FBXL17: variants seen among roughly 807,000 people sequenced by gnomAD.
FBXL17 encodes F-box/LRR-repeat protein 17.
FBXL17 carries 22 observed loss-of-function variants against 66.2 expected under a neutral mutation model. That is an observed-to-expected ratio of 0.33 (90% CI 0.24 to 0.47). The LOEUF (loss-of-function observed/expected upper bound fraction) is 0.47, where lower values mean the gene tolerates loss of function less well. FBXL17 is among the 20% of genes least tolerant of loss of function. The pLI, the probability that FBXL17 is intolerant of heterozygous loss-of-function variation, is 1.00. For synonymous variants in FBXL17, 474 were observed against 400.5 expected (o/e 1.18, Z -2.19); for missense variants, 878 against 948.2 (o/e 0.93, Z 0.97).
chr5:108,160,990 C>T (rs1752189083), intron 6 of FBXL17, among the ~76,000 whole-genome samples: 2 of 152,108 alleles, frequency 1.3e-5, no homozygotes, highest in African/African-American at 4.8e-5. Context: ...AGAAGGTCAA[C>T]TAGTTCCCAA....
intron 6 of FBXL17, among the ~76,000 whole-genome samples, chr5:108,049,249 T>A (rs1747378267): frequency 6.6e-6 from 1 of 151,482 alleles, no homozygotes; most frequent in Admixed American, 6.6e-5. Flanking sequence ...TTCAAGCAAT[T>A]CCCCTGCCTT....
intron 4 of FBXL17, among the ~76,000 whole-genome samples, chr5:108,245,190 G>A (rs1211780652): frequency 6.6e-6 from 1 of 152,032 alleles, no homozygotes; most frequent in Non-Finnish European, 1.5e-5. Flanking sequence ...TGTATAATAT[G>A]CAAAAAGAAA....
chr5:108,114,467 CAAGAA>C (rs1388623231), intron 6 of FBXL17, among the ~76,000 whole-genome samples: 2 of 152,032 alleles, frequency 1.3e-5, no homozygotes, highest in African/African-American at 4.8e-5. Flanking sequence ...ACAAATTAGG[CAAGAA>C]AATAATTTTA....
chr5:107,880,259 G>T (rs899264587), intron 8 of FBXL17: 1 of 547,924 alleles, frequency 1.8e-6, no homozygotes, highest in Non-Finnish European at 2.3e-6. Context: ...GGGAGAGGGG[G>T]ATAGAGACAG....
intron 7 of FBXL17, among the ~76,000 whole-genome samples, chr5:107,978,452 A>G (rs756429309): frequency 3.3e-5 from 5 of 152,012 alleles, no homozygotes; most frequent in African/African-American, 9.7e-5. Context: ...ATATCCAGCC[A>G]TTGTTCCAGA....
intron 3 of FBXL17, among the ~76,000 whole-genome samples, chr5:108,355,431 C>T (rs1431941598): frequency 2.6e-5 from 4 of 151,832 alleles, no homozygotes; most frequent in Non-Finnish European, 4.4e-5. Context: ...TACAGCCGTG[C>T]GCCACCACAC....
At chr5:108,039,975 T>G (rs2112801010) in intron 6 of FBXL17, among the ~76,000 whole-genome samples, 1 of 152,266 alleles carries the variant, frequency 6.6e-6, no homozygotes, top group South Asian at 2.1e-4. Flanking sequence ...TTGAAGCACA[T>G]TACTTTAGAT....
intron 5 of FBXL17, among the ~76,000 whole-genome samples, chr5:108,218,138 T>C (rs1451160489): frequency 6.6e-6 from 1 of 150,698 alleles, no homozygotes; most frequent in African/African-American, 2.4e-5. Flanking sequence ...CCAGAGTAGC[T>C]GGGACTATAG....
intron 4 of FBXL17, among the ~76,000 whole-genome samples, chr5:108,241,763 A>T (rs1041660765): frequency 4.6e-5 from 7 of 150,712 alleles, no homozygotes; most frequent in African/African-American, 1.7e-4. Context: ...CAAGAGAAGA[A>T]AAAACAAAAA....
Position 108,009,308 on chromosome 5 carries a change from T to TATATATATATATACAC in FBXL17, c.1822+11616_1822+11617insGTGTATATATATATAT. ...ATATATATATATATATATACATATA[T>TATATATATATATACAC]ACATACACATATAGTTTTGCTTTTG... On this transcript the variant is annotated intron_variant, in intron 7 of 8. Transcript: ENST00000542267. 3.3e-4 allele frequency among the ~76,000 whole-genome samples: 14 copies of TATATATATATATACAC among 42,208 alleles called. 1 individual carries two copies. The highest frequency in any genetic ancestry group is 1.2e-3 in the African/African-American group (14 of 11,326). 27.7% of individuals were successfully genotyped at this position (42,208 alleles called of 152,430 possible).
chr5:108,321,186 T>C (rs17161235), intron 4 of FBXL17, among the ~76,000 whole-genome samples: 198 of 151,994 alleles, frequency 1.3e-3, no homozygotes, highest in African/African-American at 4.7e-3. Flanking sequence ...CTTATTGCTG[T>C]AGTATGTTCA....
intron 6 of FBXL17, among the ~76,000 whole-genome samples, chr5:108,069,354 TTTATTTTAAAAATAGGAACA>T (rs1216958415): frequency 6.6e-6 from 1 of 152,204 alleles, no homozygotes; most frequent in African/African-American, 2.4e-5. Context: ...GAATACATAT[TTTATTTTAAAAATAGGAACA>T]TTAAGGATAT....
chr5:108,211,052 T>G (rs1445440823), intron 5 of FBXL17, among the ~76,000 whole-genome samples: 2 of 152,248 alleles, frequency 1.3e-5, no homozygotes, highest in Non-Finnish European at 2.9e-5. Context: ...TTGGTCCCTT[T>G]ACCATTATGC....
Position 107,977,123 on chromosome 5 carries a change from T to C in FBXL17, c.1822+43802A>G, listed in dbSNP as rs572429936. ...GCAGGAGCTAAGTTTTATTCATGTATTATACTAAGTTATTCATTGGAGATA... is the reference window on the plus strand; with the variant it reads ...GCAGGAGCTAAGTTTTATTCATGTACTATACTAAGTTATTCATTGGAGATA... On this transcript the variant is annotated intron_variant, in intron 7 of 8. Transcript: ENST00000542267. Among the ~76,000 whole-genome samples, 35 of 152,316 alleles carry C rather than the reference T, an allele frequency of 2.3e-4. No homozygotes were observed. The East Asian group carries it at 6.6e-3, about 29-fold the overall frequency.
intron 6 of FBXL17, among the ~76,000 whole-genome samples, chr5:108,155,549 A>G (rs1245027599): frequency 6.6e-6 from 1 of 152,096 alleles, no homozygotes; most frequent in Non-Finnish European, 1.5e-5. Context: ...TGGGCTCTAC[A>G]ATTAACCCCC....
intron 4 of FBXL17, among the ~76,000 whole-genome samples, chr5:108,239,432 T>C (rs1175287128): frequency 1.3e-5 from 2 of 152,164 alleles, no homozygotes; most frequent in Admixed American, 6.5e-5. Flanking sequence ...TGACCTTGCA[T>C]TGGAACTCAG....
intron 6 of FBXL17, among the ~76,000 whole-genome samples, chr5:108,120,334 G>A (rs1750436190): frequency 6.6e-6 from 1 of 152,270 alleles, no homozygotes; most frequent in African/African-American, 2.4e-5. Context: ...CTTTGTAAGA[G>A]ATGATGTTTC....
chr5:108,242,510 CT>C (rs1468859965), intron 4 of FBXL17, among the ~76,000 whole-genome samples: 2 of 152,082 alleles, frequency 1.3e-5, no homozygotes, highest in African/African-American at 4.8e-5. Context: ...GTGTAAGCCA[CT>C]GTGTCTGGCC....
intron 4 of FBXL17, among the ~76,000 whole-genome samples, chr5:108,239,483 A>G (rs542764197): frequency 1.3e-5 from 2 of 152,282 alleles, no homozygotes; most frequent in South Asian, 4.1e-4. Context: ...AGGCAGAACT[A>G]CGCTGGCGCC....
Sources: allele counts gnomAD v4.1 joint callset (sites outside exome capture counted in the v4.1 genomes callset), GRCh38; gene constraint gnomAD v4.1.1; transcripts MANE v1.5; gene names NCBI Gene and HGNC (gene_info 2026-07-23, HGNC 2026-07-21).